PROC: variants seen among roughly 807,000 people sequenced by gnomAD.
PROC encodes the protein protein C, inactivator of coagulation factors Va and VIIIa.
In PROC, 22 loss-of-function variants were observed where a neutral mutation model predicts 36.3. The ratio of observed to expected loss-of-function variants is 0.61; its 90% CI spans 0.43 to 0.86. PROC has a LOEUF of 0.86. Among genes scored for constraint, PROC ranks in the 40% least tolerant of loss-of-function variants. PROC has a pLI of 0.00. For synonymous variants in PROC, 218 were observed against 244.5 expected (o/e 0.89, Z 1.01); for missense variants, 526 against 629.7 (o/e 0.84, Z 1.76).
intron 8 of PROC, among the ~76,000 whole-genome samples, chr2:127,427,834 ATTCCCAGGTGCTC>A (rs1462261906): frequency 1.3e-5 from 2 of 152,204 alleles, no homozygotes; most frequent in African/African-American, 4.8e-5. Context: ...TTGGCTTAGA[ATTCCCAGGTGCTC>A]TTCCCAGGGA....
rs756675276 is a variant in PROC, at chr2:127,421,268, T to G, written c.71-15T>G. ...CCCCTCCACCAAGGTGAGCTCCCCC[T>G]CCCTCCAAAACCAGACTCAGTGTTC... On this transcript the variant is annotated splice_polypyrimidine_tract_variant and intron_variant, in intron 2 of 8. Transcript: ENST00000234071. The G allele has an allele frequency of 1.9e-6, 3 of 1,610,704 alleles. No homozygotes were observed. In the East Asian group the frequency reaches 6.7e-5, roughly 36 times the overall value.
rs199469469 is a variant in PROC at position 127,426,120 on chromosome 2, GAGA to G, written c.577_579del (p.Lys193del). ...TTGTGGGAGGCCCTGGAAGCGGATG[GAGA>G]AGAAGCGCAGTCACCTGAAACGAGA... On this transcript the variant is annotated inframe_deletion, in exon 7 of 9. Coordinates refer to ENST00000234071, the MANE Select transcript of PROC (RefSeq NM_000312.4). The surrounding 1 kb of genome is among the most constrained non-coding windows in gnomAD (Gnocchi z 7.0). 321 of 1,614,122 alleles carry G rather than the reference GAGA, an allele frequency of 2.0e-4. 2 individuals carry two copies. The East Asian group carries it at 6.9e-3, about 35-fold the overall frequency.
Position 127,428,698 on chromosome 2 carries a change from A to G in PROC, c.1138A>G (p.Met380Val). 1 of 1,613,838 alleles carries G rather than the reference A, an allele frequency of 6.2e-7. No individual in the cohort carries two copies. Among genetic ancestry groups the G allele is most frequent in the South Asian group, 1.1e-5 (1 of 91,090 alleles). ...TGAGTGCAGCGAGGTCATGAGCAAC[A>G]TGGTGTCTGAGAACATGCTGTGTGC... ...HNECSEVMSN[M>V]VSENMLCAGI... The change falls in exon 9 of 9, where the codon ATG (methionine) becomes GTG (valine). Residue 380 changes from methionine to valine, a missense_variant. Physicochemically the swap from Met to Val is conservative, Grantham distance 21 (BLOSUM62 1). Transcript: ENST00000234071.
chr2:127,427,719 G>C (rs1468740779), intron 8 of PROC, among the ~76,000 whole-genome samples: 1 of 152,190 alleles, frequency 6.6e-6, no homozygotes, highest in East Asian at 1.9e-4. Flanking sequence ...CTGGAGGGGG[G>C]GTCTGGCTCA....
intron 8 of PROC, 73 bp from the exon 9 acceptor site, chr2:127,428,284 G>A: frequency 7.0e-7 from 1 of 1,429,980 alleles, no homozygotes; most frequent in Non-Finnish European, 9.7e-7. Context: ...CACAGCAGTG[G>A]GTGGGCCTCA....
chr2:127,418,900 G>T lies in PROC; in HGVS notation c.-22+408G>T, dbSNP rs536598505. Reference sequence around the variant, plus strand: ...CCACGTGGCCTATCCACTGGGGAGGGTTCCTTGATCTCTGGCCACCAGGGC... The same window carrying T: ...CCACGTGGCCTATCCACTGGGGAGGTTTCCTTGATCTCTGGCCACCAGGGC... On this transcript the variant is annotated intron_variant, in intron 1 of 8. Transcript: ENST00000234071. The surrounding 1 kb of genome is among the most constrained non-coding windows in gnomAD (Gnocchi z 4.8). Among the ~76,000 whole-genome samples, 1 of 152,216 alleles carries T rather than the reference G, an allele frequency of 6.6e-6. No individual in the cohort carries two copies. The highest frequency in any genetic ancestry group is 1.9e-4 in the East Asian group (1 of 5,192).
rs1412515866 is a variant in PROC at position 127,428,672 on chromosome 2, A to C, written c.1112A>C (p.Asn371Thr). 3 of 1,613,984 alleles carry C rather than the reference A, an allele frequency of 1.9e-6. No homozygotes were observed. Among genetic ancestry groups the C allele is most frequent in the African/African-American group, 1.3e-5 (1 of 75,080 alleles). ...ATCAAGATTCCCGTGGTCCCGCACA[A>C]TGAGTGCAGCGAGGTCATGAGCAAC... ...NFIKIPVVPH[N>T]ECSEVMSNMV... Residue 371 changes from asparagine (N) to threonine (T), a missense_variant, in exon 9 of 9, where the codon AAT becomes ACT. Asn to Thr is a moderately conservative substitution (Grantham distance 65). Coordinates refer to ENST00000234071, the MANE Select transcript of PROC (RefSeq NM_000312.4).
intron 2 of PROC, among the ~76,000 whole-genome samples, chr2:127,420,952 G>A (rs931674599): frequency 1.3e-5 from 2 of 152,152 alleles, no homozygotes; most frequent in South Asian, 2.1e-4. Context: ...TTTACATGAC[G>A]GTCTCATCCC....
chr2:127,419,674 C>T (rs1687971285), intron 1 of PROC: 13 of 796,300 alleles, frequency 1.6e-5, no homozygotes, highest in Admixed American at 3.0e-5. Flanking sequence ...AGGACACAAA[C>T]ATCCTGGCAC....
chr2:127,428,688 C>A lies in PROC; in HGVS notation c.1128C>A (p.Val376=), dbSNP rs1416261042. 6.2e-7 allele frequency: 1 copy of A among 1,613,926 alleles called. No individual in the cohort carries two copies. Among genetic ancestry groups the A allele is most frequent in the South Asian group, 1.1e-5 (1 of 91,084 alleles). Residue 376 remains valine, a synonymous_variant, in exon 9 of 9, where the codon GTC becomes GTA. Coordinates refer to ENST00000234071, the MANE Select transcript of PROC (RefSeq NM_000312.4). ...TCCCGCACAATGAGTGCAGCGAGGT[C>A]ATGAGCAACATGGTGTCTGAGAACA... ...PVVPHNECSE[V]MSNMVSENML...
At position 127,426,176 on chromosome 2, in the gene PROC, TC is replaced by T. The variant is rs761891208; in HGVS notation, c.629del (p.Pro210ArgfsTer8). On this transcript the variant is annotated frameshift_variant, in exon 7 of 9. Transcript: ENST00000234071. LOFTEE classifies it high-confidence loss of function. The surrounding 1 kb of genome is among the most constrained non-coding windows in gnomAD (Gnocchi z 7.0). ...DTEDQEDQVD[P>X]RLIDGKMTRR... Reference sequence around the variant, plus strand: ...CAGAAGACCAAGAAGACCAAGTAGATCCGCGGCTCATTGATGGGAAGATGAC... The same window carrying T: ...CAGAAGACCAAGAAGACCAAGTAGATCGCGGCTCATTGATGGGAAGATGAC... The T allele has an allele frequency of 1.2e-6, 2 of 1,614,040 alleles. No homozygotes were observed. Among genetic ancestry groups the T allele is most frequent in the South Asian group, 2.2e-5 (2 of 91,078 alleles).
intron 6 of PROC, among the ~76,000 whole-genome samples, chr2:127,425,847 G>A (rs1053391664): frequency 6.6e-6 from 1 of 152,240 alleles, no homozygotes; most frequent in Non-Finnish European, 1.5e-5. Flanking sequence ...CAGCCAGTGG[G>A]TGATGCTGCC....
chr2:127,428,670 C>A lies in PROC; in HGVS notation c.1110C>A (p.His370Gln), dbSNP rs778063605. The change falls in exon 9 of 9, where the codon CAC becomes CAA. Residue 370 changes from histidine to glutamine, a missense_variant. By Grantham distance (24) the His-to-Gln change is conservative (BLOSUM62 0). Transcript: ENST00000234071. ...LNFIKIPVVP[H>Q]NECSEVMSNM... ...TCATCAAGATTCCCGTGGTCCCGCA[C>A]AATGAGTGCAGCGAGGTCATGAGCA... The A allele has an allele frequency of 7.9e-5, 127 of 1,613,892 alleles. No individual in the cohort carries two copies. The highest frequency in any genetic ancestry group is 1.0e-4 in the Non-Finnish European group (123 of 1,180,054).
Position 127,426,329 on chromosome 2 carries a change from T to G in PROC, c.678+102T>G. The G allele has an allele frequency of 6.6e-7, 1 of 1,509,656 alleles. No individual in the cohort carries two copies. Among genetic ancestry groups the G allele is most frequent in the Non-Finnish European group, 9.1e-7 (1 of 1,098,524 alleles). The allele number at this position is 1,509,656 out of a possible 1,614,324, so 93.5% of individuals were successfully genotyped here. A position where few individuals can be genotyped will look rare whatever the true frequency, so the allele number is the denominator to read the frequency against. On this transcript the variant is annotated intron_variant, in intron 7 of 8. Coordinates refer to ENST00000234071, the MANE Select transcript of PROC (RefSeq NM_000312.4). This position sits in a 1 kb window ranked among gnomAD's most constrained non-coding sequence, Gnocchi z 7.0. ...GGTGCAGAAACCGAGAGGGAAGCGCTGCCATTGCGTTTGGGGGATGATGAA... is the reference window on the plus strand; with the variant it reads ...GGTGCAGAAACCGAGAGGGAAGCGCGGCCATTGCGTTTGGGGGATGATGAA...
rs139373196 is a variant in PROC, at chr2:127,424,524, T to C, written c.535+1116T>C. On this transcript the variant is annotated intron_variant, in intron 6 of 8. Coordinates refer to ENST00000234071, the MANE Select transcript of PROC (RefSeq NM_000312.4). ...TCTTTCAGGGAACTTTCTACAACTTTATAATTCAATTCTTCTGCAGAAAAA... is the reference window on the plus strand; with the variant it reads ...TCTTTCAGGGAACTTTCTACAACTTCATAATTCAATTCTTCTGCAGAAAAA... Among the ~76,000 whole-genome samples the C allele has an allele frequency of 1.9e-3, 296 of 152,264 alleles. 1 individual carries two copies. The highest frequency in any genetic ancestry group is 0.01 in the Middle Eastern group (3 of 294).
At position 127,420,029 on chromosome 2, in the gene PROC, C is replaced by T. The variant is rs765139013; in HGVS notation, c.70+17C>T. 2 of 1,612,596 alleles carry T rather than the reference C, an allele frequency of 1.2e-6. No individual in the cohort carries two copies. Among genetic ancestry groups the T allele is most frequent in the Admixed American group, 1.7e-5 (1 of 60,012 alleles). On this transcript the variant is annotated intron_variant, in intron 2 of 8. Transcript: ENST00000234071. ...CTCCTCTTGGTAAGGCCACCCCACC[C>T]CTACCCCGGGACCCTTGTGGCCTCT...
At chr2:127,423,691 G>C in intron 6 of PROC, 2 of 464,934 alleles carry the variant, frequency 4.3e-6, no homozygotes, top group South Asian at 3.3e-5. Flanking sequence ...CTCCTGGAGC[G>C]CAAGCCCAGT....
rs1203882771 is a variant in PROC, at chr2:127,418,528, G to A, written c.-22+36G>A. On this transcript the variant is annotated intron_variant, in intron 1 of 8. Coordinates refer to ENST00000234071, the MANE Select transcript of PROC (RefSeq NM_000312.4). This position sits in a 1 kb window ranked among gnomAD's most constrained non-coding sequence, Gnocchi z 4.8. ...CTCCAGGCAGGTCTATGAGGGGTGT[G>A]GAGGGAGGGCTGCCCCCGGGAGAAG... is the stretch of plus-strand genomic sequence containing the variant. 3.1e-6 allele frequency: 4 copies of A among 1,288,352 alleles called. No individual in the cohort carries two copies. The South Asian group carries it at 3.7e-5, about 12-fold the overall frequency. The allele number at this position is 1,288,352 out of a possible 1,614,324, so 79.8% of individuals were successfully genotyped here. A position where few individuals can be genotyped will look rare whatever the true frequency, so the allele number is the denominator to read the frequency against.
intron 3 of PROC, 108 bp downstream of exon 3, chr2:127,421,557 TG>T (rs1360484044): frequency 7.4e-7 from 1 of 1,346,470 alleles, no homozygotes. Flanking sequence ...TTAGGAGTTG[TG>T]GGGGTGGCTG....
Sources: gnomAD v4.1 joint callset for allele counts (sites outside exome capture counted in the v4.1 genomes callset) on GRCh38, gnomAD v4.1.1 for gene constraint, Gnocchi (gnomAD v3.1) non-coding constraint, MANE v1.5 for transcripts, NCBI Gene and HGNC (gene_info 2026-07-23, HGNC 2026-07-21) for gene names.